The following HSD17B11 variants were observed in gnomAD, a reference collection of about 807,000 sequenced individuals.
HSD17B11 encodes hydroxysteroid 17-beta dehydrogenase 11.
A neutral mutation model predicts 27.8 loss-of-function variants in HSD17B11; 22 were observed. The observed-to-expected ratio is 0.79, with a 90% CI of 0.56 to 1.13. The LOEUF is 1.13. Among genes scored for constraint, HSD17B11 ranks in the 50% most tolerant of loss-of-function variants. The probability of loss-of-function intolerance (pLI) is 0.00; values close to 1 mark genes in which losing one functional copy is unlikely to be tolerated. For missense variants in HSD17B11, 314 were observed against 351.1 expected (o/e 0.89, Z 0.84); for synonymous variants, 117 against 132.8 (o/e 0.88, Z 0.82).
At chr4:87,353,982 C>T (rs1022357156) in intron 5 of HSD17B11, among the ~76,000 whole-genome samples, 1 of 151,868 alleles carries the variant, frequency 6.6e-6, no homozygotes, top group African/African-American at 2.4e-5. Context: ...TGTCCCTTCT[C>T]TTCTCTCTTC....
intron 5 of HSD17B11, among the ~76,000 whole-genome samples, chr4:87,355,377 T>C (rs1050550399): frequency 1.8e-4 from 27 of 151,940 alleles, no homozygotes; most frequent in Non-Finnish European, 3.4e-4. Context: ...AGAAAAAATA[T>C]GGGTAAATAT....
At chr4:87,369,754 T>C (rs760459588) in intron 4 of HSD17B11, among the ~76,000 whole-genome samples, 4 of 152,184 alleles carry the variant, frequency 2.6e-5, no homozygotes, top group Non-Finnish European at 5.9e-5. Context: ...TTCTTTTAAA[T>C]AACATTTTGT....
In HSD17B11 at chr4:87,358,796, A is replaced by T. The variant is rs558917874; in HGVS notation, c.558-1380T>A. Reference sequence around the variant, plus strand: ...CTGTGGAAATTTTTTAAAAAATTTTAAAAAAAATTTCTTACCTTTTTAAAA... The same window carrying T: ...CTGTGGAAATTTTTTAAAAAATTTTTAAAAAAATTTCTTACCTTTTTAAAA... On this transcript the variant is annotated intron_variant, in intron 4 of 6. Transcript: ENST00000358290. Among the ~76,000 whole-genome samples, 690 of 141,270 alleles carry T rather than the reference A, an allele frequency of 4.9e-3. 9 individuals are homozygous for T. Among genetic ancestry groups the T allele is most frequent in the African/African-American group, 0.017 (650 of 38,992 alleles). 92.7% of individuals were successfully genotyped at this position (141,270 alleles called of 152,430 possible).
intron 4 of HSD17B11, among the ~76,000 whole-genome samples, chr4:87,372,168 A>T (rs897733882): frequency 2.0e-5 from 3 of 148,744 alleles, no homozygotes; most frequent in African/African-American, 7.4e-5. Context: ...GCGTGAACCC[A>T]GGAGGCGGAG....
chr4:87,389,221 AATTAATTTATTT>A (rs1720392650), intron 1 of HSD17B11, among the ~76,000 whole-genome samples: 1 of 151,766 alleles, frequency 6.6e-6, no homozygotes, highest in Non-Finnish European at 1.5e-5. Context: ...AATTTAATTT[AATTAATTTATTT>A]ATTTTTAAGA....
In HSD17B11 at chr4:87,374,739, A is replaced by G. The variant is rs1335196513; in HGVS notation, c.410T>C (p.Ile137Thr). 1.9e-6 allele frequency: 3 copies of G among 1,609,484 alleles called. No homozygotes were observed. The highest frequency in any genetic ancestry group is 2.5e-6 in the Non-Finnish European group (3 of 1,178,832). ...SDLFATQDPQ[I>T]EKTFEVNVLA... ...TACATTAACTTCAAAAGTCTTTTCAATCTGAGGATCTTGTGTAGCAAACAA... is the reference window on the plus strand; with the variant it reads ...TACATTAACTTCAAAAGTCTTTTCAGTCTGAGGATCTTGTGTAGCAAACAA... Residue 137 changes from isoleucine (I) to threonine (T), a missense_variant, in exon 3 of 7, where the codon ATT becomes ACT. Transcript: ENST00000358290.
chr4:87,381,186 C>CCAAAAAA (rs746118163), intron 2 of HSD17B11, among the ~76,000 whole-genome samples: 1 of 114,306 alleles, frequency 8.7e-6, no homozygotes, highest in Non-Finnish European at 1.8e-5. Flanking sequence ...GACTCCATTT[C>CCAAAAAA]AAAAAAAAAA....
chr4:87,386,204 CTTT>C (rs58328540), intron 1 of HSD17B11, among the ~76,000 whole-genome samples: 3 of 144,038 alleles, frequency 2.1e-5, no homozygotes, highest in Admixed American at 2.1e-4. Flanking sequence ...AATTGTGAAA[CTTT>C]TTTTTTTTTT....
At chr4:87,357,949 A>ATTT (rs57139706) in intron 4 of HSD17B11, among the ~76,000 whole-genome samples, 1,220 of 80,092 alleles carry the variant, frequency 0.015, 162 homozygotes, top group African/African-American at 0.022. Flanking sequence ...CATTAGAGAA[A>ATTT]TTTTTTTTTT....
At chr4:87,389,855 C>T (rs1378837462) in intron 1 of HSD17B11, among the ~76,000 whole-genome samples, 1 of 152,180 alleles carries the variant, frequency 6.6e-6, no homozygotes, top group Admixed American at 6.5e-5. Context: ...CTACACTTGT[C>T]CTAGGTAAAA....
chr4:87,361,463 A>T (rs910516731), intron 4 of HSD17B11, among the ~76,000 whole-genome samples: 2 of 152,150 alleles, frequency 1.3e-5, no homozygotes, highest in African/African-American at 4.8e-5. Flanking sequence ...TTATTCCTCT[A>T]CTTTCTTAAT....
chr4:87,384,181 C>A (rs1330555870), intron 1 of HSD17B11, among the ~76,000 whole-genome samples: 2 of 152,208 alleles, frequency 1.3e-5, no homozygotes, highest in Admixed American at 1.3e-4. Context: ...GTGAAGATTT[C>A]ATTTTAATAT....
rs1165770162 is a variant in HSD17B11, at chr4:87,370,720, A to ATATTAT, written c.557+1983_557+1988dup. 4.4e-3 allele frequency among the ~76,000 whole-genome samples: 331 copies of ATATTAT among 75,360 alleles called. 10 individuals are homozygous for ATATTAT. Among genetic ancestry groups the ATATTAT allele is most frequent in the East Asian group, 0.01 (34 of 3,350 alleles). 49.4% of individuals were successfully genotyped at this position (75,360 alleles called of 152,430 possible). ...GCGTGAGCCTCCACGCCTGGCCTAG[A>ATATTAT]TATTATTATTATTATTATTATTATT... On this transcript the variant is annotated intron_variant, in intron 4 of 6. Transcript: ENST00000358290.
At chr4:87,384,808 T>G (rs1332965329) in intron 1 of HSD17B11, among the ~76,000 whole-genome samples, 1 of 147,490 alleles carries the variant, frequency 6.8e-6, no homozygotes, top group African/African-American at 2.7e-5. Flanking sequence ...CCCTTATCAG[T>G]AGTTCTGCTT....
chr4:87,387,300 CTTCCCTAAATTAA>C, intron 1 of HSD17B11: 1 of 152,214 alleles, frequency 6.6e-6, no homozygotes, highest in Non-Finnish European at 1.5e-5. Context: ...ACCATTAATT[CTTCCCTAAATTAA>C]CATATGGTAC....
intron 1 of HSD17B11, among the ~76,000 whole-genome samples, chr4:87,386,198 G>A (rs1012055743): frequency 7.0e-6 from 1 of 142,732 alleles, no homozygotes; most frequent in African/African-American, 2.7e-5. Flanking sequence ...CTTCTGAATT[G>A]TGAAACTTTT....
At chr4:87,384,282 T>C (rs1720247928) in intron 1 of HSD17B11, among the ~76,000 whole-genome samples, 2 of 152,218 alleles carry the variant, frequency 1.3e-5, no homozygotes, top group African/African-American at 4.8e-5. Flanking sequence ...AGGATGTACG[T>C]CACCTCAGGA....
chr4:87,372,386 T>C (rs966785921), intron 4 of HSD17B11, among the ~76,000 whole-genome samples: 1 of 152,084 alleles, frequency 6.6e-6, no homozygotes, highest in Non-Finnish European at 1.5e-5. Flanking sequence ...TGTTAATAAT[T>C]AATACTAATT....
At chr4:87,363,536 C>T (rs946096298) in intron 4 of HSD17B11, among the ~76,000 whole-genome samples, 1 of 152,260 alleles carries the variant, frequency 6.6e-6, no homozygotes, top group Non-Finnish European at 1.5e-5. Context: ...ACAAAAAACC[C>T]GATGAAGTCT....
Sources: allele counts gnomAD v4.1 joint callset (sites outside exome capture counted in the v4.1 genomes callset), GRCh38; gene constraint gnomAD v4.1.1; transcripts MANE v1.5; gene names NCBI Gene and HGNC (gene_info 2026-07-23, HGNC 2026-07-21).